The following PRKCQ variants were observed in gnomAD, a reference collection of about 807,000 sequenced individuals.
PRKCQ encodes protein kinase C theta type.
PRKCQ carries 41 observed loss-of-function variants against 91.2 expected under a neutral mutation model. That is an observed-to-expected ratio of 0.45 (90% CI 0.35 to 0.58). The LOEUF (loss-of-function observed/expected upper bound fraction) is 0.58, where lower values mean the gene tolerates loss of function less well. Ranked by LOEUF, PRKCQ falls within the 20% of genes least tolerant of loss-of-function variation. The probability of loss-of-function intolerance (pLI) is 0.00; values close to 1 mark genes in which losing one functional copy is unlikely to be tolerated. For missense variants in PRKCQ, 673 were observed against 896.5 expected (o/e 0.75, Z 3.18); for synonymous variants, 307 against 316.9 (o/e 0.97, Z 0.33).
At chr10:6,482,421 C>T (rs143641043) in intron 11 of PRKCQ, among the ~76,000 whole-genome samples, 3 of 152,128 alleles carry the variant, frequency 2.0e-5, no homozygotes, top group Non-Finnish European at 2.9e-5. Flanking sequence ...CACAGTGAGA[C>T]GTCATCTCAA....
chr10:6,434,253 C>A (rs1833577030), intron 16 of PRKCQ, among the ~76,000 whole-genome samples: 1 of 152,124 alleles, frequency 6.6e-6, no homozygotes, highest in Non-Finnish European at 1.5e-5. Context: ...GAAGTAACTG[C>A]CCTGGGCCGT....
chr10:6,539,731 C>T (rs1839709101), intron 1 of PRKCQ, among the ~76,000 whole-genome samples: 1 of 152,164 alleles, frequency 6.6e-6, no homozygotes, highest in South Asian at 2.1e-4. Flanking sequence ...GTCCCTGGTG[C>T]CAAAAAGGTT....
intron 1 of PRKCQ, among the ~76,000 whole-genome samples, chr10:6,547,109 T>C (rs1464131791): frequency 2.0e-5 from 3 of 152,266 alleles, no homozygotes; most frequent in Non-Finnish European, 2.9e-5. Context: ...ATAAGCTTTT[T>C]GATGTGCTGC....
chr10:6,548,026 A>C (rs1396760190), intron 1 of PRKCQ, among the ~76,000 whole-genome samples: 2 of 152,176 alleles, frequency 1.3e-5, no homozygotes, highest in South Asian at 2.1e-4. Context: ...GAACTCAAAC[A>C]AATTTACAAG....
At chr10:6,413,588 G>GCGCA in the PRKCQ span, among the ~76,000 whole-genome samples, 78 of 23,860 alleles carry the variant, frequency 3.3e-3, 12 homozygotes, top group African/African-American at 0.015. Context: ...TGCCACTTGT[G>GCGCA]CACACACACA....
intron 1 of PRKCQ, among the ~76,000 whole-genome samples, chr10:6,578,651 A>C (rs1841332735): frequency 6.6e-6 from 1 of 152,324 alleles, no homozygotes; most frequent in South Asian, 2.1e-4. Context: ...GGAGGAAGGG[A>C]CTAACAAGAG....
intron 15 of PRKCQ, among the ~76,000 whole-genome samples, chr10:6,453,394 G>A (rs1834820638): frequency 6.6e-6 from 1 of 152,176 alleles, no homozygotes; most frequent in East Asian, 1.9e-4. Flanking sequence ...CAGTTAGAAT[G>A]GCAATCATTA....
At chr10:6,440,430 T>A (rs776217895) in intron 16 of PRKCQ, among the ~76,000 whole-genome samples, 1 of 152,186 alleles carries the variant, frequency 6.6e-6, no homozygotes, top group Non-Finnish European at 1.5e-5. Context: ...GAGTGCCTCA[T>A]TGAAGTCTCA....
intron 16 of PRKCQ, among the ~76,000 whole-genome samples, chr10:6,432,798 C>T (rs1316391181): frequency 6.6e-6 from 1 of 152,134 alleles, no homozygotes; most frequent in Non-Finnish European, 1.5e-5. Context: ...CTCTCCAGTC[C>T]AGACATTTCT....
At chr10:6,534,012 T>G (rs1371994635) in intron 1 of PRKCQ, among the ~76,000 whole-genome samples, 1 of 152,196 alleles carries the variant, frequency 6.6e-6, no homozygotes, top group Non-Finnish European at 1.5e-5. Context: ...ATTTCCAAAC[T>G]ATTTTACATA....
intron 1 of PRKCQ, among the ~76,000 whole-genome samples, chr10:6,574,329 A>T (rs1841148335): frequency 6.6e-6 from 1 of 152,212 alleles, no homozygotes; most frequent in Non-Finnish European, 1.5e-5. Context: ...TAGATAAAGC[A>T]TTTAAAGGGT....
At chr10:6,415,831 C>T in the PRKCQ span, among the ~76,000 whole-genome samples, 5 of 151,606 alleles carry the variant, frequency 3.3e-5, no homozygotes, top group Admixed American at 2.0e-4. Flanking sequence ...CTGCAACCTC[C>T]GCCTCCTGGG....
chr10:6,395,056 C>T, the PRKCQ span, among the ~76,000 whole-genome samples: 10,021 of 66,612 alleles, frequency 0.15, 515 homozygotes, highest in East Asian at 0.22. Context: ...AAGCTGGAGT[C>T]TTTTTTTTTT....
At chr10:6,503,774 A>AATT (rs1167250558) in intron 4 of PRKCQ, among the ~76,000 whole-genome samples, 5 of 151,934 alleles carry the variant, frequency 3.3e-5, no homozygotes, top group African/African-American at 4.8e-5. Context: ...TTTAAGGATT[A>AATT]ATTATTATTA....
At chr10:6,447,154 A>G (rs1455490744) in intron 15 of PRKCQ, among the ~76,000 whole-genome samples, 1 of 152,136 alleles carries the variant, frequency 6.6e-6, no homozygotes, top group East Asian at 1.9e-4. Flanking sequence ...CACACCTGTA[A>G]TCCCAGCACT....
chr10:6,411,615 A>T, the PRKCQ span, among the ~76,000 whole-genome samples: 1 of 152,240 alleles, frequency 6.6e-6, no homozygotes, highest in Non-Finnish European at 1.5e-5. Flanking sequence ...TTTCATTGGG[A>T]CACCCATTTG....
chr10:6,432,478 T>C (rs1437444092), intron 16 of PRKCQ, among the ~76,000 whole-genome samples: 7 of 152,164 alleles, frequency 4.6e-5, no homozygotes, highest in Non-Finnish European at 4.4e-5. Flanking sequence ...CTTAGCAGTC[T>C]CAACTTCCTC....
chr10:6,404,912 CCCTCCTTCCTT>C, the PRKCQ span, among the ~76,000 whole-genome samples: 1 of 145,996 alleles, frequency 6.8e-6, no homozygotes, highest in African/African-American at 2.5e-5. Context: ...TCTCCTTCCT[CCCTCCTTCCTT>C]CCTCCCTTCC....
intron 16 of PRKCQ, among the ~76,000 whole-genome samples, chr10:6,439,598 C>T (rs1833867760): frequency 6.6e-6 from 1 of 152,192 alleles, no homozygotes; most frequent in Non-Finnish European, 1.5e-5. Flanking sequence ...CCTCAGCCCT[C>T]TCAACATGAA....
Sources: allele counts gnomAD v4.1 joint callset (sites outside exome capture counted in the v4.1 genomes callset), GRCh38; gene constraint gnomAD v4.1.1; transcripts MANE v1.5; gene names NCBI Gene and HGNC (gene_info 2026-07-23, HGNC 2026-07-21).